The following NTRK3 variants were observed in gnomAD, a reference collection of about 807,000 sequenced individuals.
NTRK3 encodes neurotrophic receptor tyrosine kinase 3.
NTRK3 carries 24 observed loss-of-function variants against 91.7 expected under a neutral mutation model. The ratio of observed to expected loss-of-function variants is 0.26; its 90% CI spans 0.19 to 0.37. NTRK3 has a LOEUF of 0.37. Among genes scored for constraint, NTRK3 ranks in the 10% least tolerant of loss-of-function variants. The pLI, the probability that NTRK3 is intolerant of heterozygous loss-of-function variation, is 1.00. For synonymous variants in NTRK3, 483 were observed against 404.0 expected (o/e 1.20, Z -2.34); for missense variants, 880 against 1,068.9 (o/e 0.82, Z 2.46).
intron 17 of NTRK3, among the ~76,000 whole-genome samples, chr15:87,885,126 A>G (rs1271967002): frequency 6.6e-6 from 1 of 151,958 alleles, no homozygotes; most frequent in Non-Finnish European, 1.5e-5. Context: ...GGTGGCAATG[A>G]CTTCAAAATA....
intron 13 of NTRK3, among the ~76,000 whole-genome samples, chr15:88,108,120 G>A (rs1309968535): frequency 6.6e-6 from 1 of 152,128 alleles, no homozygotes; most frequent in Non-Finnish European, 1.5e-5. Context: ...CAAGACTCCA[G>A]GTTCTGAAAG....
chr15:88,154,114 A>G (rs1211398505), intron 5 of NTRK3, among the ~76,000 whole-genome samples: 2 of 150,858 alleles, frequency 1.3e-5, no homozygotes, highest in East Asian at 3.9e-4. Flanking sequence ...ACTTTGCAAA[A>G]AAAAAAAAAA....
chr15:88,001,205 A>T (rs1017200888), intron 14 of NTRK3, among the ~76,000 whole-genome samples: 2 of 151,974 alleles, frequency 1.3e-5, no homozygotes, highest in Non-Finnish European at 2.9e-5. Flanking sequence ...CTTTTTATTG[A>T]GTTGTAAGTG....
At chr15:88,006,692 G>A (rs1013188065) in intron 14 of NTRK3, among the ~76,000 whole-genome samples, 7 of 152,188 alleles carry the variant, frequency 4.6e-5, no homozygotes, top group Non-Finnish European at 1.0e-4. Flanking sequence ...TAGTACATCC[G>A]TAGCTTGAAC....
chr15:88,072,654 G>A, intron 13 of NTRK3: 1 of 232,746 alleles, frequency 4.3e-6, no homozygotes, highest in Non-Finnish European at 8.5e-6. Context: ...ACAATTTGAT[G>A]AGACACCCTT....
intron 14 of NTRK3, among the ~76,000 whole-genome samples, chr15:87,985,103 G>A (rs2074636217): frequency 6.6e-6 from 1 of 152,148 alleles, no homozygotes; most frequent in Admixed American, 6.5e-5. Flanking sequence ...AGAAGTGGCT[G>A]GAAACCTACA....
chr15:88,135,053 C>A (rs762348307), intron 10 of NTRK3, 48 bp downstream of exon 10: 1 of 1,607,690 alleles, frequency 6.2e-7, no homozygotes, highest in Non-Finnish European at 8.5e-7. Flanking sequence ...ATCTCCCAAG[C>A]TTGTAGAAAG....
intron 13 of NTRK3, among the ~76,000 whole-genome samples, chr15:88,073,816 G>C (rs1567340327): frequency 6.7e-6 from 1 of 150,242 alleles, no homozygotes; most frequent in Admixed American, 6.6e-5. Context: ...GAAATAGAGA[G>C]GCTTGGTAGG....
intron 13 of NTRK3, among the ~76,000 whole-genome samples, chr15:88,107,874 C>A (rs2050884382): frequency 6.6e-6 from 1 of 152,006 alleles, no homozygotes; most frequent in Non-Finnish European, 1.5e-5. Context: ...CCTGGGCATC[C>A]AAGAGACCAA....
At chr15:88,001,745 T>C (rs2076111107) in intron 14 of NTRK3, among the ~76,000 whole-genome samples, 1 of 152,192 alleles carries the variant, frequency 6.6e-6, no homozygotes, top group African/African-American at 2.4e-5. Context: ...TGTAGCTTTG[T>C]AATAAGTTTT....
chr15:88,070,844 G>C (rs1478081085), intron 13 of NTRK3, among the ~76,000 whole-genome samples: 3 of 151,944 alleles, frequency 2.0e-5, no homozygotes, highest in Admixed American at 2.0e-4. Context: ...CATTTAACCA[G>C]CACCCAAAAA....
At chr15:87,926,141 C>G (rs993660442) in intron 17 of NTRK3, among the ~76,000 whole-genome samples, 1 of 152,124 alleles carries the variant, frequency 6.6e-6, no homozygotes, top group East Asian at 1.9e-4. Flanking sequence ...TAAGATTAGG[C>G]CTAAATCCAA....
At chr15:88,189,149 A>G (rs1476378794) in intron 3 of NTRK3, among the ~76,000 whole-genome samples, 1 of 152,168 alleles carries the variant, frequency 6.6e-6, no homozygotes, top group Non-Finnish European at 1.5e-5. Flanking sequence ...TGGGATCAAG[A>G]TCTCATGATG....
At chr15:88,073,664 C>A (rs763372784) in intron 13 of NTRK3, among the ~76,000 whole-genome samples, 39 of 152,058 alleles carry the variant, frequency 2.6e-4, no homozygotes, top group Non-Finnish European at 5.3e-4. Flanking sequence ...TTAACAAGCT[C>A]CAGGAGTTAA....
chr15:88,000,633 T>C (rs2076037578), intron 14 of NTRK3, among the ~76,000 whole-genome samples: 1 of 152,232 alleles, frequency 6.6e-6, no homozygotes, highest in South Asian at 2.1e-4. Context: ...TGAATCTAGC[T>C]TCTTTCACTT....
chr15:87,982,759 G>A (rs2074401929), intron 14 of NTRK3, among the ~76,000 whole-genome samples: 1 of 152,206 alleles, frequency 6.6e-6, no homozygotes, highest in African/African-American at 2.4e-5. Context: ...ACTGCAGCAA[G>A]GAAAGGTCAG....
chr15:88,209,591 G>A (rs1218202228), intron 3 of NTRK3, among the ~76,000 whole-genome samples: 1 of 152,246 alleles, frequency 6.6e-6, no homozygotes, highest in Non-Finnish European at 1.5e-5. Context: ...ACCCCAGGCT[G>A]AAGGGATAAA....
intron 14 of NTRK3, among the ~76,000 whole-genome samples, chr15:87,980,923 A>T (rs1284357947): frequency 6.6e-6 from 1 of 152,102 alleles, no homozygotes; most frequent in African/African-American, 2.4e-5. Flanking sequence ...AGGAAAAGGG[A>T]AGGAAGGCCA....
intron 17 of NTRK3, among the ~76,000 whole-genome samples, chr15:87,905,373 T>A (rs1267718379): frequency 1.3e-5 from 2 of 152,208 alleles, no homozygotes; most frequent in Non-Finnish European, 2.9e-5. Flanking sequence ...AGGTCTCTCT[T>A]CCGCATCTAA....
Sources: gnomAD v4.1 joint callset for allele counts (sites outside exome capture counted in the v4.1 genomes callset) on GRCh38, gnomAD v4.1.1 for gene constraint, MANE v1.5 for transcripts, NCBI Gene and HGNC (gene_info 2026-07-23, HGNC 2026-07-21) for gene names.